Variants in MAGI2 observed in about 807,000 individuals in gnomAD.
MAGI2 encodes membrane associated guanylate kinase, WW and PDZ domain containing 2, also known as membrane-associated guanylate kinase, WW and PDZ domain-containing protein 2.
Under a neutral mutation model 133.3 loss-of-function variants are expected in MAGI2, and 35 were observed. That is an observed-to-expected ratio of 0.26 (90% confidence interval 0.20 to 0.35). The LOEUF (loss-of-function observed/expected upper bound fraction) is 0.35. Ranked by LOEUF, MAGI2 falls within the 10% of genes least tolerant of loss-of-function variation. MAGI2 has a pLI of 1.00. For synonymous variants in MAGI2, 729 were observed against 710.6 expected (o/e 1.03, Z -0.41); for missense variants, 1,636 against 1,863.4 (o/e 0.88, Z 2.25).
chr7:78,771,273 A>C (rs2151320473), intron 2 of MAGI2: 1 of 151,978 alleles, frequency 6.6e-6, no homozygotes, highest in East Asian at 1.9e-4. Flanking sequence ...GGGCATTTAC[A>C]TCTCTCAGCA....
chr7:79,049,967 T>C (rs1397274910), intron 1 of MAGI2, among the ~76,000 whole-genome samples: 4 of 152,204 alleles, frequency 2.6e-5, no homozygotes. Flanking sequence ...TCTGAGACTC[T>C]GATTCTGTAG....
At chr7:78,179,405 C>T (rs552379401) in intron 13 of MAGI2, among the ~76,000 whole-genome samples, 1 of 152,326 alleles carries the variant, frequency 6.6e-6, no homozygotes, top group Admixed American at 6.5e-5. Context: ...GTAGGTGGGA[C>T]TGCTGGAGTG....
intron 1 of MAGI2, among the ~76,000 whole-genome samples, chr7:79,350,118 CA>C (rs1841593391): frequency 6.6e-6 from 1 of 152,032 alleles, no homozygotes; most frequent in African/African-American, 2.4e-5. Flanking sequence ...CCTAGTAACT[CA>C]GATGACACTT....
chr7:78,045,274 C>G (rs1276047953), intron 21 of MAGI2, among the ~76,000 whole-genome samples: 4 of 152,158 alleles, frequency 2.6e-5, no homozygotes, highest in Admixed American at 1.3e-4. Context: ...AGGACAGCAA[C>G]AGCCATTTAA....
chr7:78,228,057 A>C (rs1375941948), intron 10 of MAGI2, among the ~76,000 whole-genome samples: 1 of 152,230 alleles, frequency 6.6e-6, no homozygotes, highest in Non-Finnish European at 1.5e-5. Context: ...AGAATGCTCA[A>C]ACCAATGAGT....
intron 2 of MAGI2, among the ~76,000 whole-genome samples, chr7:78,987,243 T>C (rs141775988): frequency 6.6e-6 from 1 of 152,012 alleles, no homozygotes; most frequent in Non-Finnish European, 1.5e-5. Context: ...CTCATATTAA[T>C]GAGTTGGAAA....
At chr7:78,773,884 A>G (rs1175603798) in intron 2 of MAGI2, among the ~76,000 whole-genome samples, 1 of 152,222 alleles carries the variant, frequency 6.6e-6, no homozygotes, top group Non-Finnish European at 1.5e-5. Context: ...TGTTTTACAA[A>G]GATTATTTTA....
chr7:79,215,934 T>C (rs185324688), intron 1 of MAGI2, among the ~76,000 whole-genome samples: 3 of 152,042 alleles, frequency 2.0e-5, no homozygotes, highest in Admixed American at 2.0e-4. Context: ...ATACTTTGTG[T>C]ATTCCGTGGG....
chr7:78,320,880 T>C (rs1446381660), intron 9 of MAGI2, among the ~76,000 whole-genome samples: 1 of 152,154 alleles, frequency 6.6e-6, no homozygotes, highest in Non-Finnish European at 1.5e-5. Context: ...AACCCCATGG[T>C]CTCAGCCCAA....
intron 1 of MAGI2, among the ~76,000 whole-genome samples, chr7:79,279,061 T>G: frequency 6.6e-6 from 1 of 152,116 alleles, no homozygotes; most frequent in East Asian, 1.9e-4. Context: ...TCAGGCTGCT[T>G]GCTGCTCAAT....
chr7:78,422,566 G>T, intron 6 of MAGI2, among the ~76,000 whole-genome samples: 1 of 143,518 alleles, frequency 7.0e-6, no homozygotes. Flanking sequence ...GAAGGTGAAT[G>T]TAATGTGTAA....
intron 10 of MAGI2, among the ~76,000 whole-genome samples, chr7:78,236,751 A>G (rs1228843348): frequency 2.0e-5 from 3 of 152,192 alleles, no homozygotes; most frequent in Admixed American, 2.0e-4. Flanking sequence ...ATTAACAATT[A>G]TATCCTGTGT....
chr7:78,234,605 A>T (rs200182564), intron 10 of MAGI2, among the ~76,000 whole-genome samples: 29 of 6,646 alleles, frequency 4.4e-3, no homozygotes, highest in East Asian at 0.018. Flanking sequence ...TAATGAATAT[A>T]TTTCATATTC....
At chr7:78,872,750 G>T (rs114744541) in intron 2 of MAGI2, among the ~76,000 whole-genome samples, 1 of 151,934 alleles carries the variant, frequency 6.6e-6, no homozygotes, top group Admixed American at 6.6e-5. Flanking sequence ...TTTCTGGCCC[G>T]TGGGTGAAAT....
chr7:79,240,048 G>A (rs897428468), intron 1 of MAGI2, among the ~76,000 whole-genome samples: 1 of 152,140 alleles, frequency 6.6e-6, no homozygotes, highest in Non-Finnish European at 1.5e-5. Flanking sequence ...AGCTTCCATA[G>A]CCAGTGCCAT....
chr7:78,854,986 G>C (rs1793500216), intron 2 of MAGI2, among the ~76,000 whole-genome samples: 1 of 151,186 alleles, frequency 6.6e-6, no homozygotes, highest in African/African-American at 2.4e-5. Context: ...CTGAGTAACT[G>C]AGATTACAGG....
Position 79,093,261 on chromosome 7 carries a change from C to T in MAGI2, c.302-86055G>A, listed in dbSNP as rs78613818. Among the ~76,000 whole-genome samples the T allele has an allele frequency of 2.3e-3, 350 of 151,582 alleles. 2 individuals are homozygous for T. Among genetic ancestry groups the T allele is most frequent in the African/African-American group, 8.1e-3 (335 of 41,328 alleles). Reference sequence around the variant, plus strand: ...GGCTCAGAGTAACTAGCAGTAATACCCAGAGGCACAATGTCAGAAGCATTC... The same window carrying T: ...GGCTCAGAGTAACTAGCAGTAATACTCAGAGGCACAATGTCAGAAGCATTC... On this transcript the variant is annotated intron_variant, in intron 1 of 21. Coordinates refer to ENST00000354212, the MANE Select transcript of MAGI2 (RefSeq NM_012301.4).
intron 1 of MAGI2, among the ~76,000 whole-genome samples, chr7:79,342,376 G>A (rs1840967419): frequency 1.3e-5 from 2 of 152,178 alleles, no homozygotes; most frequent in South Asian, 4.1e-4. Flanking sequence ...TGAACAAAGT[G>A]CATCTTTTTC....
intron 21 of MAGI2, among the ~76,000 whole-genome samples, chr7:78,028,492 A>G (rs751358437): frequency 2.6e-5 from 4 of 152,196 alleles, no homozygotes; most frequent in Non-Finnish European, 5.9e-5. Context: ...CCTTCTATGT[A>G]CTAGGAACTC....
Sources: allele counts gnomAD v4.1 joint callset (sites outside exome capture counted in the v4.1 genomes callset), GRCh38; gene constraint gnomAD v4.1.1; transcripts MANE v1.5; gene names NCBI Gene and HGNC (gene_info 2026-07-23, HGNC 2026-07-21).